The following CNTN6 variants were observed in gnomAD, a reference collection of about 807,000 sequenced individuals.
The protein encoded by CNTN6 is contactin-6.
A neutral mutation model predicts 122.8 loss-of-function variants in CNTN6; 137 were observed. The observed-to-expected ratio is 1.12, with a 90% CI of 0.97 to 1.29. CNTN6 has a LOEUF of 1.29. Among genes scored for constraint, CNTN6 ranks in the 50% most tolerant of loss-of-function variants. The probability of loss-of-function intolerance (pLI) is 0.00; values close to 1 mark genes in which losing one functional copy is unlikely to be tolerated. For synonymous variants in CNTN6, 570 were observed against 426.0 expected, an observed-to-expected ratio of 1.34 and a Z score of -4.16; for missense variants, 1,634 against 1,223.4, an observed-to-expected ratio of 1.34 and a Z score of -5.01.
At chr3:1,303,587 A>G (rs1220292030) in intron 7 of CNTN6, among the ~76,000 whole-genome samples, 3 of 152,110 alleles carry the variant, frequency 2.0e-5, no homozygotes, top group Non-Finnish European at 4.4e-5. Flanking sequence ...TCTGCACTGT[A>G]ATTATATAGG....
In CNTN6 at chr3:1,365,826, A is replaced by G. The variant is rs141124623; in HGVS notation, c.1493-6473A>G. On this transcript the variant is annotated intron_variant, in intron 12 of 22. Coordinates refer to ENST00000446702, the MANE Select transcript of CNTN6 (RefSeq NM_001289080.2). The stretch of plus-strand genomic sequence containing the variant: ...ATAATATACAGAATTAATTACAGTT[A>G]ACCTTGGGACTCCATCTTTCTTTCT... Among the ~76,000 whole-genome samples the G allele has an allele frequency of 1.9e-3, 285 of 152,288 alleles. 1 individual carries two copies. Among genetic ancestry groups the G allele is most frequent in the African/African-American group, 6.5e-3 (269 of 41,574 alleles).
chr3:1,298,903 A>G (rs1293324606), intron 7 of CNTN6, among the ~76,000 whole-genome samples: 1 of 152,196 alleles, frequency 6.6e-6, no homozygotes, highest in Admixed American at 6.5e-5. Flanking sequence ...TCCAAAGTCT[A>G]TTCCTAATGT....
Position 1,373,931 on chromosome 3 carries a change from A to T in CNTN6, c.1953A>T (p.Glu651Asp). Residue 651 changes from glutamate to aspartate, a missense_variant, in exon 16 of 23, where the codon GAA becomes GAT. Physicochemically the swap from Glu to Asp is conservative, Grantham distance 45. Transcript: ENST00000446702. ...GTGTCTCATTCTTTTTAGTTCCAGA[A>T]ATTCTCAATGGTAAGACATACAATG... ...VGWQAVATVP[E>D]ILNGKTYNAT... 1 of 1,608,548 alleles carries T rather than the reference A, an allele frequency of 6.2e-7. No homozygotes were observed. The highest frequency in any genetic ancestry group is 8.5e-7 in the Non-Finnish European group (1 of 1,176,778).
At chr3:1,333,060 T>C (rs1023378596) in intron 11 of CNTN6, among the ~76,000 whole-genome samples, 1 of 152,048 alleles carries the variant, frequency 6.6e-6, no homozygotes, top group African/African-American at 2.4e-5. Flanking sequence ...AAAAGTTTAT[T>C]TGATTGAGTA....
chr3:1,225,790 T>C (rs950215768), intron 3 of CNTN6, among the ~76,000 whole-genome samples: 2 of 151,740 alleles, frequency 1.3e-5, no homozygotes, highest in African/African-American at 2.4e-5. Context: ...GCAGAAAATC[T>C]AGGCAAATGA....
intron 4 of CNTN6, among the ~76,000 whole-genome samples, chr3:1,275,730 T>C (rs887909473): frequency 7.2e-5 from 11 of 152,192 alleles, no homozygotes; most frequent in African/African-American, 2.7e-4. Context: ...AGTGTGCAAC[T>C]TGGATCCCTC....
rs775784705 is a variant in CNTN6, at chr3:1,373,600, C to A, written c.1787-4C>A. ...TGGAGTCATGATAAAACATTTTTTT[C>A]AAGGTCCACCAGGTCCTCCTGAGGA... On this transcript the variant is annotated splice_region_variant and splice_polypyrimidine_tract_variant and intron_variant, in intron 14 of 22. Coordinates refer to ENST00000446702, the MANE Select transcript of CNTN6 (RefSeq NM_001289080.2). 6.2e-7 allele frequency: 1 copy of A among 1,603,890 alleles called. No individual in the cohort carries two copies. The highest frequency in any genetic ancestry group is 1.8e-5 in the Admixed American group (1 of 57,002).
intron 1 of CNTN6, among the ~76,000 whole-genome samples, chr3:1,146,566 A>T (rs1309931706): frequency 7.9e-6 from 1 of 126,314 alleles, no homozygotes; most frequent in East Asian, 2.5e-4. Flanking sequence ...TAATATTATC[A>T]TATTTACTAC....
intron 4 of CNTN6, among the ~76,000 whole-genome samples, chr3:1,242,068 T>C (rs1317566031): frequency 2.0e-5 from 3 of 152,254 alleles, no homozygotes; most frequent in Admixed American, 6.5e-5. Flanking sequence ...TCGGACACGA[T>C]TGGCAGGGAA....
chr3:1,098,756 G>GCACA (rs57847953), intron 1 of CNTN6, among the ~76,000 whole-genome samples: 126 of 89,054 alleles, frequency 1.4e-3, no homozygotes, highest in South Asian at 4.2e-3. Context: ...TGGCAGTAAT[G>GCACA]CACACACACA....
intron 2 of CNTN6, among the ~76,000 whole-genome samples, chr3:1,190,343 A>G (rs2093684043): frequency 6.6e-6 from 1 of 152,204 alleles, no homozygotes; most frequent in Admixed American, 6.5e-5. Context: ...ACATTTTAAG[A>G]GCACATAACC....
At chr3:1,348,226 T>A (rs527895211) in intron 11 of CNTN6, among the ~76,000 whole-genome samples, 1 of 143,458 alleles carries the variant, frequency 7.0e-6, no homozygotes, top group Non-Finnish European at 1.5e-5. Context: ...AATCAAATGT[T>A]GGGATTCAGA....
At position 1,170,236 on chromosome 3, in the gene CNTN6, C is replaced by CAAA. The variant is rs10525769; in HGVS notation, c.55+22198_55+22200dup. ...TGGATGACAGAGTAAGGCTCCATCT[C>CAAA]AAAAAAAAAAAAAAAAAAAAAAAAA... is the stretch of plus-strand genomic sequence containing the variant. On this transcript the variant is annotated intron_variant, in intron 2 of 22. Transcript: ENST00000446702. Among the ~76,000 whole-genome samples, 339 of 107,416 alleles carry CAAA rather than the reference C, an allele frequency of 3.2e-3. 33 individuals are homozygous for CAAA. The highest frequency in any genetic ancestry group is 8.1e-3 in the African/African-American group (234 of 28,780). The allele number at this position is 107,416 out of a possible 152,430, so 70.5% of individuals were successfully genotyped here.
chr3:1,365,596 A>G (rs1050266653), intron 12 of CNTN6, among the ~76,000 whole-genome samples: 1 of 152,098 alleles, frequency 6.6e-6, no homozygotes, highest in Admixed American at 6.6e-5. Flanking sequence ...GTATCAAGAA[A>G]TGTTACATGG....
At chr3:1,184,244 C>T in intron 2 of CNTN6, among the ~76,000 whole-genome samples, 1 of 152,026 alleles carries the variant, frequency 6.6e-6, no homozygotes, top group Admixed American at 6.6e-5. Context: ...CACTGGGGGT[C>T]ATCCTAGGAT....
chr3:1,376,213 C>T (rs1366073962), intron 16 of CNTN6, among the ~76,000 whole-genome samples: 2 of 152,100 alleles, frequency 1.3e-5, no homozygotes, highest in African/African-American at 2.4e-5. Context: ...ACCTCATTCT[C>T]GTGAGGCACT....
At chr3:1,305,005 C>A (rs7625726) in intron 7 of CNTN6, among the ~76,000 whole-genome samples, 1,185 of 109,110 alleles carry the variant, frequency 0.011, 11 homozygotes, top group Middle Eastern at 0.016. Flanking sequence ...AAAAAAAAAA[C>A]AAAATTCAAA....
At position 1,295,645 on chromosome 3, in the gene CNTN6, C is replaced by A. The variant is rs1285396347; in HGVS notation, c.499C>A (p.Gln167Lys). The stretch of plus-strand genomic sequence containing the variant: ...CTTCAATGATAACCCCTTATACGTC[C>A]AAGAGGACAATAGGCGATTTGTATC... ...WTFNDNPLYVQEDNRRFVSQE... is the reference protein window; with the variant it reads ...WTFNDNPLYVKEDNRRFVSQE... The change falls in exon 6 of 23, where the codon CAA (glutamine) becomes AAA (lysine). Residue 167 changes from glutamine (Q) to lysine (K), a missense_variant. Transcript: ENST00000446702. The A allele has an allele frequency of 6.2e-7, 1 of 1,613,716 alleles. No homozygotes were observed. Among genetic ancestry groups the A allele is most frequent in the East Asian group, 2.2e-5 (1 of 44,878 alleles).
At chr3:1,113,555 C>G (rs2091579898) in intron 1 of CNTN6, among the ~76,000 whole-genome samples, 1 of 152,074 alleles carries the variant, frequency 6.6e-6, no homozygotes, top group Non-Finnish European at 1.5e-5. Flanking sequence ...AAGATAAAGT[C>G]ATCAAAAGTC....
Sources: gnomAD v4.1 joint callset for allele counts (sites outside exome capture counted in the v4.1 genomes callset) on GRCh38, gnomAD v4.1.1 for gene constraint, MANE v1.5 for transcripts, NCBI Gene and HGNC (gene_info 2026-07-23, HGNC 2026-07-21) for gene names.